NKD1: variants seen among roughly 807,000 people sequenced by gnomAD.
NKD1 encodes the protein NKD inhibitor of Wnt signaling pathway 1.
A neutral mutation model predicts 56.0 loss-of-function variants in NKD1; 21 were observed. The ratio of observed to expected loss-of-function variants is 0.38; its 90% CI spans 0.27 to 0.54. NKD1 has a LOEUF of 0.54. Ranked by LOEUF, NKD1 falls within the 20% of genes least tolerant of loss-of-function variation. The probability of loss-of-function intolerance (pLI) is 0.82; values close to 1 mark genes in which losing one functional copy is unlikely to be tolerated. For synonymous variants in NKD1, 263 were observed against 265.7 expected, an observed-to-expected ratio of 0.99 and a Z score of 0.10; for missense variants, 578 against 642.7, an observed-to-expected ratio of 0.90 and a Z score of 1.09.
chr16:50,592,682 G>T (rs1366091973), intron 3 of NKD1, among the ~76,000 whole-genome samples: 1 of 151,944 alleles, frequency 6.6e-6, no homozygotes, highest in African/African-American at 2.4e-5. Flanking sequence ...AGAGCCCGGG[G>T]CTCCAGGGAT....
Position 50,645,839 on chromosome 16 carries a change from G to A in NKD1, c.*12058G>A, listed in dbSNP as rs553890748. ...AAAGAAAAGTTGGCAAGAAAGAAAGGGCAAAGACAGAGAGACTGGGAGAGA... is the reference window on the plus strand; with the variant it reads ...AAAGAAAAGTTGGCAAGAAAGAAAGAGCAAAGACAGAGAGACTGGGAGAGA... On this transcript the variant is annotated 3_prime_UTR_variant, in exon 10 of 10. Transcript: ENST00000268459. 1.3e-5 allele frequency: 2 copies of A among 152,256 alleles called. No individual in the cohort carries two copies. The highest frequency in any genetic ancestry group is 2.1e-4 in the South Asian group (1 of 4,826). The allele number at this position is 152,256 out of a possible 1,614,324, so 9.4% of individuals were successfully genotyped here.
intron 3 of NKD1, among the ~76,000 whole-genome samples, chr16:50,588,600 T>C (rs1347641563): frequency 4.2e-4 from 52 of 124,792 alleles, no homozygotes; most frequent in African/African-American, 1.7e-3. Flanking sequence ...TTCTTCTGCT[T>C]TTTTTTTTTT....
intron 3 of NKD1, 191 bp from the exon 4 acceptor site, chr16:50,608,103 G>A (rs377257023): frequency 1.8e-4 from 107 of 601,902 alleles, no homozygotes; most frequent in African/African-American, 8.4e-4. Context: ...GTGCTGATGC[G>A]TGTGGGTTTA....
rs1434639653 is a variant in NKD1 at position 50,640,212 on chromosome 16, C to G, written c.*6431C>G. On this transcript the variant is annotated 3_prime_UTR_variant, in exon 10 of 10. Transcript: ENST00000268459. ...AAGGGCGAGCACTGGAGAAGGCAAC[C>G]TGGGACCCCCTGCGCTTCTGAGCAG... 6.6e-6 allele frequency: 1 copy of G among 152,272 alleles called. No individual in the cohort carries two copies. The highest frequency in any genetic ancestry group is 2.4e-5 in the African/African-American group (1 of 41,448). The allele number at this position is 152,272 out of a possible 1,614,324, so 9.4% of individuals were successfully genotyped here. A position where few individuals can be genotyped will look rare whatever the true frequency, so the allele number is the denominator to read the frequency against.
chr16:50,641,998 A>G lies in NKD1; in HGVS notation c.*8217A>G, dbSNP rs946240779. 6.6e-6 allele frequency: 1 copy of G among 152,210 alleles called. No individual in the cohort carries two copies. The highest frequency in any genetic ancestry group is 1.5e-5 in the Non-Finnish European group (1 of 68,066). 9.4% of individuals were successfully genotyped at this position (152,210 alleles called of 1,614,324 possible). A position where few individuals can be genotyped will look rare whatever the true frequency, so the allele number is the denominator to read the frequency against. ...CCGGCTCAGTGACTTCCCCTCTTTG[A>G]GACTCAGTTTGCTTTTCTGTAAAGT... On this transcript the variant is annotated 3_prime_UTR_variant, in exon 10 of 10. Coordinates refer to ENST00000268459, the MANE Select transcript of NKD1 (RefSeq NM_033119.5).
rs1722749505 is a variant in NKD1, at chr16:50,643,310, G to T, written c.*9529G>T. ...TTCAGTTAAGCAACTTACCTAACTT[G>T]TGGCTAATGCATGGTAGGATTAAAC... On this transcript the variant is annotated 3_prime_UTR_variant, in exon 10 of 10. Transcript: ENST00000268459. 1 of 152,240 alleles carries T rather than the reference G, an allele frequency of 6.6e-6. No homozygotes were observed. Among genetic ancestry groups the T allele is most frequent in the African/African-American group, 2.4e-5 (1 of 41,452 alleles). The allele number at this position is 152,240 out of a possible 1,614,324, so 9.4% of individuals were successfully genotyped here. A position where few individuals can be genotyped will look rare whatever the true frequency, so the allele number is the denominator to read the frequency against.
chr16:50,602,007 G>T (rs529221654), intron 3 of NKD1, among the ~76,000 whole-genome samples: 1 of 152,146 alleles, frequency 6.6e-6, no homozygotes, highest in Admixed American at 6.5e-5. Flanking sequence ...CCATCTCTCT[G>T]CCCTTTGATG....
rs538869221 is a variant in NKD1, at chr16:50,585,613, C to T, written c.193-22681C>T. 2.6e-5 allele frequency among the ~76,000 whole-genome samples: 4 copies of T among 152,296 alleles called. No homozygotes were observed. The East Asian group carries it at 5.8e-4, about 22-fold the overall frequency. On this transcript the variant is annotated intron_variant, in intron 3 of 9. Coordinates refer to ENST00000268459, the MANE Select transcript of NKD1 (RefSeq NM_033119.5). ...CTGCCTCCAAGATCCAGCCGCCAAG[C>T]GTTTACCCAGGCAGGGCCTTCCCCA... is the stretch of plus-strand genomic sequence containing the variant.
Position 50,598,235 on chromosome 16 carries a change from G to GTA in NKD1, c.193-10058_193-10057insAT. 6.8e-6 allele frequency among the ~76,000 whole-genome samples: 1 copy of GTA among 146,792 alleles called. No individual in the cohort carries two copies. The highest frequency in any genetic ancestry group is 6.7e-5 in the Admixed American group (1 of 14,976). On this transcript the variant is annotated intron_variant, in intron 3 of 9. Coordinates refer to ENST00000268459, the MANE Select transcript of NKD1 (RefSeq NM_033119.5). This position sits in a 1 kb window ranked among gnomAD's most constrained non-coding sequence, Gnocchi z 4.2. Reference sequence around the variant, plus strand: ...AGGGCCGCATGGGTGGACTCTGTGTGTGTGTGTGTGTGTGTGTGTGTGTGT... The same window carrying GTA: ...AGGGCCGCATGGGTGGACTCTGTGTGTATGTGTGTGTGTGTGTGTGTGTGTGT...
intron 4 of NKD1, among the ~76,000 whole-genome samples, chr16:50,612,549 C>T (rs1961869854): frequency 1.3e-5 from 2 of 152,166 alleles, no homozygotes; most frequent in South Asian, 4.1e-4. Flanking sequence ...TGCGAAGGAG[C>T]ATGGAAGTTT....
At chr16:50,566,357 T>C (rs1318419791) in intron 3 of NKD1, 2 of 176,538 alleles carry the variant, frequency 1.1e-5, no homozygotes, top group Non-Finnish European at 2.2e-5. Context: ...TCCCAGGTAA[T>C]GGCAACTTGG....
At chr16:50,554,227 C>G (rs1960450944) in intron 3 of NKD1, among the ~76,000 whole-genome samples, 1 of 152,110 alleles carries the variant, frequency 6.6e-6, no homozygotes, top group South Asian at 2.1e-4. Context: ...CAGGAGGCAC[C>G]TGCTGTGGGT....
chr16:50,620,628 A>C (rs930720476), intron 4 of NKD1, among the ~76,000 whole-genome samples: 1 of 152,182 alleles, frequency 6.6e-6, no homozygotes, highest in African/African-American at 2.4e-5. Flanking sequence ...TGTGGCCTGG[A>C]AAAGATGTCT....
intron 4 of NKD1, among the ~76,000 whole-genome samples, chr16:50,615,376 G>A (rs1250651241): frequency 6.6e-6 from 1 of 152,190 alleles, no homozygotes; most frequent in African/African-American, 2.4e-5. Flanking sequence ...TTGGGCTGAT[G>A]GAAGATTCTG....
At chr16:50,561,162 G>C (rs1007085147) in intron 3 of NKD1, among the ~76,000 whole-genome samples, 1 of 152,038 alleles carries the variant, frequency 6.6e-6, no homozygotes, top group Non-Finnish European at 1.5e-5. Context: ...GTCCCATGGA[G>C]GGGGGGCCCA....
At position 50,623,647 on chromosome 16, in the gene NKD1, A is replaced by T. The variant is rs1962141956; in HGVS notation, c.367-1838A>T. Among the ~76,000 whole-genome samples, 1 of 151,964 alleles carries T rather than the reference A, an allele frequency of 6.6e-6. No homozygotes were observed. The highest frequency in any genetic ancestry group is 1.5e-5 in the Non-Finnish European group (1 of 67,978). ...GAGAGGCCTAGGAGACCCGCATGTG[A>T]CAGGTGGGACAAGTGGCCAGTTACT... On this transcript the variant is annotated intron_variant, in intron 5 of 9. Coordinates refer to ENST00000268459, the MANE Select transcript of NKD1 (RefSeq NM_033119.5). This position sits in a 1 kb window ranked among gnomAD's most constrained non-coding sequence, Gnocchi z 4.1.
At chr16:50,567,565 G>T (rs538819078) in intron 3 of NKD1, among the ~76,000 whole-genome samples, 7 of 152,242 alleles carry the variant, frequency 4.6e-5, no homozygotes, top group African/African-American at 1.7e-4. Context: ...TCTGATCTCG[G>T]GACACCCCTC....
intron 3 of NKD1, among the ~76,000 whole-genome samples, chr16:50,602,323 CAG>C (rs1567345805): frequency 6.6e-6 from 1 of 152,186 alleles, no homozygotes; most frequent in Non-Finnish European, 1.5e-5. Flanking sequence ...GCTGGAACCC[CAG>C]AAGGTCTGTG....
chr16:50,642,628 G>C lies in NKD1; in HGVS notation c.*8847G>C, dbSNP rs149337795. ...GTTATGAGTAAATGATCCAGTGGGC[G>C]TGAAGCGTTCAGCGCAGAGCCTGGC... is the stretch of plus-strand genomic sequence containing the variant. On this transcript the variant is annotated 3_prime_UTR_variant, in exon 10 of 10. Coordinates refer to ENST00000268459, the MANE Select transcript of NKD1 (RefSeq NM_033119.5). The C allele has an allele frequency of 6.6e-6, 1 of 152,248 alleles. No individual in the cohort carries two copies. The highest frequency in any genetic ancestry group is 2.4e-5 in the African/African-American group (1 of 41,452). The allele number at this position is 152,248 out of a possible 1,614,324, so 9.4% of individuals were successfully genotyped here. A position where few individuals can be genotyped will look rare whatever the true frequency, so the allele number is the denominator to read the frequency against.
Sources: allele counts gnomAD v4.1 joint callset (sites outside exome capture counted in the v4.1 genomes callset), GRCh38; gene constraint gnomAD v4.1.1; non-coding constraint Gnocchi (gnomAD v3.1); transcripts MANE v1.5; gene names NCBI Gene and HGNC (gene_info 2026-07-23, HGNC 2026-07-21).